Variants in SEMA5A observed in about 807,000 individuals in gnomAD.
SEMA5A encodes semaphorin 5A, also known as semaphorin-5A.
Under a neutral mutation model 135.5 loss-of-function variants are expected in SEMA5A, and 55 were observed. The observed-to-expected ratio is 0.41, with a 90% CI of 0.33 to 0.51. The LOEUF is 0.51. Among genes scored for constraint, SEMA5A ranks in the 20% least tolerant of loss-of-function variants. SEMA5A has a pLI of 0.37. For missense variants in SEMA5A, 1,290 were observed against 1,419.9 expected (o/e 0.91, Z 1.47); for synonymous variants, 580 against 546.5 (o/e 1.06, Z -0.85).
chr5:9,294,646 T>C (rs1314236007), intron 5 of SEMA5A, among the ~76,000 whole-genome samples: 1 of 152,164 alleles, frequency 6.6e-6, no homozygotes, highest in Non-Finnish European at 1.5e-5. Flanking sequence ...ACAACATATG[T>C]CATCTGCTTT....
chr5:9,294,307 C>G (rs1184633926), intron 5 of SEMA5A, among the ~76,000 whole-genome samples: 1 of 152,208 alleles, frequency 6.6e-6, no homozygotes, highest in East Asian at 1.9e-4. Flanking sequence ...CAACCTGCCT[C>G]ACTCTGTGGA....
chr5:9,236,686 C>A lies in SEMA5A; in HGVS notation c.333+1142G>T, dbSNP rs190945115. On this transcript the variant is annotated intron_variant, in intron 6 of 22. Coordinates refer to ENST00000382496, the MANE Select transcript of SEMA5A (RefSeq NM_003966.3). ...ATCTCTGATGATTTAACTCAGAGGC[C>A]TTTTCTGCGGTTAAATATCTTCCAG... Among the ~76,000 whole-genome samples the A allele has an allele frequency of 5.9e-5, 9 of 152,266 alleles. No individual in the cohort carries two copies. In the East Asian group the frequency reaches 1.7e-3, roughly 29 times the overall value.
intron 11 of SEMA5A, among the ~76,000 whole-genome samples, chr5:9,174,521 A>G (rs1487248394): frequency 6.6e-6 from 1 of 152,138 alleles, no homozygotes; most frequent in Non-Finnish European, 1.5e-5. Flanking sequence ...CTGCTATTTT[A>G]TCACGCACTG....
chr5:9,248,840 G>A (rs761658248), intron 5 of SEMA5A, among the ~76,000 whole-genome samples: 13 of 152,206 alleles, frequency 8.5e-5, no homozygotes, highest in South Asian at 2.1e-4. Context: ...AGTGTGGCCC[G>A]GGGGACCCCT....
At chr5:9,243,657 A>G (rs1748328219) in intron 5 of SEMA5A, among the ~76,000 whole-genome samples, 2 of 152,158 alleles carry the variant, frequency 1.3e-5, no homozygotes, top group South Asian at 4.1e-4. Flanking sequence ...CTACAGTGCT[A>G]AATGCTTTCT....
chr5:9,366,540 C>T (rs563733278), intron 3 of SEMA5A, among the ~76,000 whole-genome samples: 4 of 152,280 alleles, frequency 2.6e-5, no homozygotes, highest in African/African-American at 9.6e-5. Context: ...AGGTGCCCAC[C>T]ACCACGCCCA....
chr5:9,116,626 G>A (rs756471599), intron 15 of SEMA5A, among the ~76,000 whole-genome samples: 4 of 152,176 alleles, frequency 2.6e-5, no homozygotes, highest in African/African-American at 2.4e-5. Flanking sequence ...TTAACTTAGG[G>A]AATCTTTTGG....
At chr5:9,122,936 C>G in intron 13 of SEMA5A, 99 bp from the exon 14 acceptor site, 1 of 1,121,056 alleles carries the variant, frequency 8.9e-7, no homozygotes, top group East Asian at 2.8e-5. Flanking sequence ...CAAAACTCCT[C>G]TAGAATTTGT....
intron 8 of SEMA5A, among the ~76,000 whole-genome samples, chr5:9,210,439 G>A (rs1255385760): frequency 6.6e-6 from 1 of 152,156 alleles, no homozygotes; most frequent in Non-Finnish European, 1.5e-5. Context: ...GGGTTTAACA[G>A]CCCCAGTTTA....
intron 1 of SEMA5A, among the ~76,000 whole-genome samples, chr5:9,491,483 A>G (rs1232371718): frequency 4.6e-5 from 7 of 151,742 alleles, no homozygotes; most frequent in African/African-American, 1.5e-4. Context: ...AAGTTATTCT[A>G]TATTTATATA....
chr5:9,290,445 T>C (rs762484100), intron 5 of SEMA5A, among the ~76,000 whole-genome samples: 2 of 152,322 alleles, frequency 1.3e-5, no homozygotes, highest in African/African-American at 4.8e-5. Flanking sequence ...TGTTGACTGA[T>C]GGGCATTTGG....
At chr5:9,323,058 T>C (rs1185915526) in intron 4 of SEMA5A, among the ~76,000 whole-genome samples, 2 of 152,258 alleles carry the variant, frequency 1.3e-5, no homozygotes, top group Admixed American at 6.5e-5. Flanking sequence ...CCTACGGGTC[T>C]GGCTGTTTAA....
At chr5:9,050,809 C>T (rs181462433) in intron 20 of SEMA5A, among the ~76,000 whole-genome samples, 1 of 152,340 alleles carries the variant, frequency 6.6e-6, no homozygotes, top group East Asian at 1.9e-4. Context: ...CTGTGGTATT[C>T]CTGCTTCTGA....
rs183516358 is a variant in SEMA5A, at chr5:9,197,959, A to G, written c.933-656T>C. On this transcript the variant is annotated intron_variant, in intron 9 of 22. Coordinates refer to ENST00000382496, the MANE Select transcript of SEMA5A (RefSeq NM_003966.3). ...CACTGACATATGAAATCCTGAAGCC[A>G]TAATTTAGAATTCAGGCTCTGAGAG... 7.3e-3 allele frequency among the ~76,000 whole-genome samples: 1,107 copies of G among 152,284 alleles called. 15 individuals are homozygous for G. Among genetic ancestry groups the G allele is most frequent in the African/African-American group, 0.025 (1,025 of 41,562 alleles).
At chr5:9,239,030 T>C (rs1193370628) in intron 5 of SEMA5A, among the ~76,000 whole-genome samples, 2 of 152,184 alleles carry the variant, frequency 1.3e-5, no homozygotes, top group African/African-American at 4.8e-5. Context: ...CTTGGGAGAA[T>C]AACAAAGTCA....
chr5:9,096,444 A>G (rs892151851), intron 16 of SEMA5A, among the ~76,000 whole-genome samples: 4 of 152,012 alleles, frequency 2.6e-5, no homozygotes, highest in Non-Finnish European at 4.4e-5. Context: ...GAGATAATGC[A>G]CTATTTCTCT....
At chr5:9,109,139 C>A (rs1740101814) in intron 15 of SEMA5A, among the ~76,000 whole-genome samples, 1 of 143,398 alleles carries the variant, frequency 7.0e-6, no homozygotes. Context: ...CTCCCGGGTT[C>A]ACGCCATTCT....
chr5:9,234,591 T>C (rs1747802478), intron 6 of SEMA5A, among the ~76,000 whole-genome samples: 1 of 152,238 alleles, frequency 6.6e-6, no homozygotes, highest in African/African-American at 2.4e-5. Context: ...AAACTGTCTG[T>C]GAATTTATCA....
chr5:9,402,942 C>T (rs1756727359), intron 2 of SEMA5A, among the ~76,000 whole-genome samples: 1 of 152,174 alleles, frequency 6.6e-6, no homozygotes, highest in Non-Finnish European at 1.5e-5. Flanking sequence ...CAGCAAGATG[C>T]AACACAAACT....
Sources: gnomAD v4.1 joint callset for allele counts (sites outside exome capture counted in the v4.1 genomes callset) on GRCh38, gnomAD v4.1.1 for gene constraint, MANE v1.5 for transcripts, NCBI Gene and HGNC (gene_info 2026-07-23, HGNC 2026-07-21) for gene names.